The following ATP9A variants were observed in gnomAD, a reference collection of about 807,000 sequenced individuals.
The protein encoded by ATP9A is probable phospholipid-transporting ATPase IIA.
ATP9A carries 52 observed loss-of-function variants against 144.1 expected under a neutral mutation model. That is an observed-to-expected ratio of 0.36 (90% CI 0.29 to 0.45). The LOEUF (loss-of-function observed/expected upper bound fraction) is 0.45, where lower values mean the gene tolerates loss of function less well. Ranked by LOEUF, ATP9A falls within the 20% of genes least tolerant of loss-of-function variation. The pLI is 1.00. For missense variants in ATP9A, 947 were observed against 1,392.7 expected, an observed-to-expected ratio of 0.68 and a Z score of 5.09; for synonymous variants, 582 against 557.4, an observed-to-expected ratio of 1.04 and a Z score of -0.62.
At chr20:51,702,867 T>C (rs1172501972) in intron 4 of ATP9A, among the ~76,000 whole-genome samples, 1 of 152,130 alleles carries the variant, frequency 6.6e-6, no homozygotes, top group Non-Finnish European at 1.5e-5. Context: ...AAATAGCACA[T>C]TGATAGCAAT....
intron 1 of ATP9A, among the ~76,000 whole-genome samples, chr20:51,746,782 C>T (rs183984848): frequency 7.2e-5 from 11 of 152,108 alleles, no homozygotes; most frequent in East Asian, 5.8e-4. Flanking sequence ...GAGGTTGCAG[C>T]GAGCCAACAT....
intron 18 of ATP9A, among the ~76,000 whole-genome samples, chr20:51,623,801 A>AAAAAAAAAAAAAG (rs558189054): frequency 2.2e-5 from 3 of 133,392 alleles, no homozygotes; most frequent in Non-Finnish European, 3.1e-5. Context: ...AAAAAAAAAA[A>AAAAAAAAAAAAAG]AAAGAAAGAA....
intron 27 of ATP9A, among the ~76,000 whole-genome samples, chr20:51,602,662 GTTTCT>G (rs2077147743): frequency 1.3e-5 from 2 of 152,232 alleles, no homozygotes; most frequent in African/African-American, 4.8e-5. Context: ...TTCAGGGGAT[GTTTCT>G]TTTACCTTTA....
intron 13 of ATP9A, among the ~76,000 whole-genome samples, chr20:51,659,345 C>T (rs1361198087): frequency 6.6e-6 from 1 of 152,228 alleles, no homozygotes; most frequent in Admixed American, 6.5e-5. Context: ...GTGAGTTACT[C>T]ATCACTGTAT....
chr20:51,625,004 CAAA>C (rs71192538), intron 18 of ATP9A, among the ~76,000 whole-genome samples, 185 bp downstream of exon 18: 11,432 of 100,756 alleles, frequency 0.11, 521 homozygotes, highest in Admixed American at 0.18. Flanking sequence ...GACCCCGTCT[CAAA>C]AAAAAAAAAA....
chr20:51,696,159 GA>G lies in ATP9A; in HGVS notation c.496-16del, dbSNP rs769549941. 3.0e-4 allele frequency: 488 copies of G among 1,613,252 alleles called. No individual in the cohort carries two copies. The highest frequency in any genetic ancestry group is 4.0e-4 in the Non-Finnish European group (477 of 1,179,206). Reference sequence around the variant, plus strand: ...ACCCGCTGGTTCTGTGTTATGAAAAGAAAGACTGTTACTGTGAATGAATGAC... The same window carrying G: ...ACCCGCTGGTTCTGTGTTATGAAAAGAAGACTGTTACTGTGAATGAATGAC... On this transcript the variant is annotated splice_polypyrimidine_tract_variant and intron_variant, in intron 5 of 27. Coordinates refer to ENST00000338821, the MANE Select transcript of ATP9A (RefSeq NM_006045.3).
intron 8 of ATP9A, 107 bp from the exon 9 acceptor site, chr20:51,689,246 T>C (rs2077536831): frequency 2.6e-6 from 3 of 1,160,744 alleles, no homozygotes; most frequent in Non-Finnish European, 2.5e-6. Flanking sequence ...CTCCCCCCGA[T>C]GAACCTGGAA....
chr20:51,750,806 C>T (rs2077828139), intron 1 of ATP9A, among the ~76,000 whole-genome samples: 1 of 152,110 alleles, frequency 6.6e-6, no homozygotes, highest in Admixed American at 6.6e-5. Context: ...TGAGAGCCAC[C>T]TCTCAATTGT....
intron 9 of ATP9A, among the ~76,000 whole-genome samples, chr20:51,684,377 C>T (rs1339903037): frequency 6.6e-6 from 1 of 152,150 alleles, no homozygotes; most frequent in African/African-American, 2.4e-5. Flanking sequence ...GGGCACAGGA[C>T]ACAAAGTGGT....
chr20:51,756,528 T>C (rs1320023991), intron 1 of ATP9A, among the ~76,000 whole-genome samples: 1 of 152,062 alleles, frequency 6.6e-6, no homozygotes, highest in African/African-American at 2.4e-5. Context: ...TGACCTCAGG[T>C]GATCCACCTG....
At chr20:51,682,059 C>T (rs2122803189) in intron 9 of ATP9A, among the ~76,000 whole-genome samples, 1 of 152,074 alleles carries the variant, frequency 6.6e-6, no homozygotes, top group African/African-American at 2.4e-5. Context: ...GTGCTAGTCA[C>T]ACAAATGTGT....
At chr20:51,671,756 C>G (rs1001606642) in intron 11 of ATP9A, among the ~76,000 whole-genome samples, 2 of 152,074 alleles carry the variant, frequency 1.3e-5, no homozygotes, top group African/African-American at 4.8e-5. Context: ...CTAGCCCTGG[C>G]AGCCCCTGGC....
At chr20:51,707,661 G>C (rs564846480) in intron 4 of ATP9A, among the ~76,000 whole-genome samples, 1 of 152,170 alleles carries the variant, frequency 6.6e-6, no homozygotes, top group Non-Finnish European at 1.5e-5. Flanking sequence ...GCTCAGAACC[G>C]AGAATGCAGT....
In ATP9A at chr20:51,690,719, T is replaced by C. The variant is rs149944379; in HGVS notation, c.723+20A>G. Reference sequence around the variant, plus strand: ...ACACACTCCCGGTGACAGGATCCCATGTGAAGGAAGCTCACTTACTCGGGT... The same window carrying C: ...ACACACTCCCGGTGACAGGATCCCACGTGAAGGAAGCTCACTTACTCGGGT... On this transcript the variant is annotated intron_variant, in intron 8 of 27. Coordinates refer to ENST00000338821, the MANE Select transcript of ATP9A (RefSeq NM_006045.3). 5.5e-5 allele frequency: 88 copies of C among 1,600,006 alleles called. No homozygotes were observed. Among genetic ancestry groups the C allele is most frequent in the African/African-American group, 4.0e-4 (30 of 74,760 alleles).
At chr20:51,713,352 G>A (rs562401481) in intron 3 of ATP9A, among the ~76,000 whole-genome samples, 1 of 152,212 alleles carries the variant, frequency 6.6e-6, no homozygotes, top group East Asian at 1.9e-4. Context: ...ACCACCTCAG[G>A]GTGAGGGTGA....
chr20:51,732,088 A>T (rs1043761002), intron 1 of ATP9A, among the ~76,000 whole-genome samples: 4 of 152,086 alleles, frequency 2.6e-5, no homozygotes, highest in Non-Finnish European at 5.9e-5. Flanking sequence ...TGCCAACATC[A>T]GCACCCCCAC....
Position 51,700,553 on chromosome 20 carries a change from G to A in ATP9A, c.437-3071C>T, listed in dbSNP as rs373840702. Among the ~76,000 whole-genome samples the A allele has an allele frequency of 7.1e-4, 108 of 152,282 alleles. 3 individuals are homozygous for A. Among genetic ancestry groups the A allele is most frequent in the African/African-American group, 1.9e-3 (78 of 41,556 alleles). On this transcript the variant is annotated intron_variant, in intron 4 of 27. Transcript: ENST00000338821. Reference sequence around the variant, plus strand: ...GAGAGACAGAGAAAGAGAGAGCGCCGGGCATGGTGGCTCACACCTGCAATC... The same window carrying A: ...GAGAGACAGAGAAAGAGAGAGCGCCAGGCATGGTGGCTCACACCTGCAATC...
intron 24 of ATP9A, among the ~76,000 whole-genome samples, chr20:51,609,494 C>G (rs1183753646): frequency 6.6e-6 from 1 of 152,106 alleles, no homozygotes; most frequent in Non-Finnish European, 1.5e-5. Context: ...CTCCACCTAC[C>G]TGGGTGATTC....
intron 1 of ATP9A, among the ~76,000 whole-genome samples, chr20:51,767,097 A>C (rs1601154178): frequency 4.3e-5 from 6 of 138,674 alleles, no homozygotes; most frequent in East Asian, 2.2e-4. Context: ...TTTTAATTCC[A>C]CTGACACCTG....
Sources: gnomAD v4.1 joint callset for allele counts (sites outside exome capture counted in the v4.1 genomes callset) on GRCh38, gnomAD v4.1.1 for gene constraint, MANE v1.5 for transcripts, NCBI Gene and HGNC (gene_info 2026-07-23, HGNC 2026-07-21) for gene names.